Variants in TBC1D5 observed in about 807,000 individuals in gnomAD.
TBC1D5 encodes TBC1 domain family member 5, also known as TBC1 domain family, member 5.
TBC1D5 carries 75 observed loss-of-function variants against 100.3 expected under a neutral mutation model. That is an observed-to-expected ratio of 0.75 (90% CI 0.62 to 0.91). The LOEUF is 0.91. Among genes scored for constraint, TBC1D5 ranks in the 40% least tolerant of loss-of-function variants. The probability of loss-of-function intolerance (pLI) is 0.00; values close to 1 mark genes in which losing one functional copy is unlikely to be tolerated. For missense variants in TBC1D5, 910 were observed against 942.4 expected, an observed-to-expected ratio of 0.97 and a Z score of 0.45; for synonymous variants, 323 against 325.6, an observed-to-expected ratio of 0.99 and a Z score of 0.09.
At chr3:17,536,691 G>A (rs1277442821) in intron 2 of TBC1D5, among the ~76,000 whole-genome samples, 1 of 152,134 alleles carries the variant, frequency 6.6e-6, no homozygotes, top group South Asian at 2.1e-4. Flanking sequence ...AGGGAGATAG[G>A]AGTTACAGGC....
At chr3:17,531,975 A>G (rs929438171) in intron 2 of TBC1D5, among the ~76,000 whole-genome samples, 5 of 152,224 alleles carry the variant, frequency 3.3e-5, no homozygotes, top group Non-Finnish European at 5.9e-5. Context: ...AAAAGCCAAA[A>G]TTGACAAATG....
intron 15 of TBC1D5, among the ~76,000 whole-genome samples, chr3:17,273,777 A>G (rs927757045): frequency 6.7e-6 from 1 of 149,554 alleles, no homozygotes; most frequent in Non-Finnish European, 1.5e-5. Context: ...ACTGCACTCT[A>G]GCCTGGATGA....
At chr3:17,590,314 A>G (rs1400132113) in intron 2 of TBC1D5, among the ~76,000 whole-genome samples, 1 of 152,162 alleles carries the variant, frequency 6.6e-6, no homozygotes, top group African/African-American at 2.4e-5. Flanking sequence ...CTAAGTAGGG[A>G]CTCTGCATTT....
intron 15 of TBC1D5, among the ~76,000 whole-genome samples, chr3:17,276,304 A>G (rs2080006628): frequency 1.3e-5 from 2 of 152,140 alleles, no homozygotes; most frequent in South Asian, 4.1e-4. Flanking sequence ...CACTTCACAA[A>G]GGCCCCACCT....
At chr3:17,425,751 A>G (rs1439062765) in intron 4 of TBC1D5, among the ~76,000 whole-genome samples, 1 of 152,202 alleles carries the variant, frequency 6.6e-6, no homozygotes, top group Non-Finnish European at 1.5e-5. Context: ...CTGAATTCAA[A>G]AGTTAATAAA....
chr3:17,391,653 T>C (rs1046040615), intron 8 of TBC1D5, among the ~76,000 whole-genome samples: 9 of 151,266 alleles, frequency 5.9e-5, no homozygotes, highest in African/African-American at 2.2e-4. Context: ...CAGTGAGAAA[T>C]TAAGGCTGTG....
intron 2 of TBC1D5, among the ~76,000 whole-genome samples, chr3:17,601,833 T>A (rs2060969994): frequency 6.6e-6 from 1 of 152,134 alleles, no homozygotes; most frequent in Non-Finnish European, 1.5e-5. Flanking sequence ...GGGTTTTTTT[T>A]ATTTTTTATT....
chr3:17,223,938 CAAAG>C (rs1486925549), intron 17 of TBC1D5, among the ~76,000 whole-genome samples: 1 of 151,150 alleles, frequency 6.6e-6, no homozygotes. Context: ...AACAAACAAA[CAAAG>C]AAAAAAAGAC....
chr3:17,596,158 T>C (rs1029786834), intron 2 of TBC1D5, among the ~76,000 whole-genome samples: 3 of 152,098 alleles, frequency 2.0e-5, no homozygotes, highest in African/African-American at 7.2e-5. Context: ...CAGAGGCCAA[T>C]AGCCTAAAAA....
intron 17 of TBC1D5, among the ~76,000 whole-genome samples, chr3:17,232,033 T>C (rs1048011717): frequency 6.6e-6 from 1 of 152,100 alleles, no homozygotes; most frequent in African/African-American, 2.4e-5. Flanking sequence ...AAACAGAGCT[T>C]GACACAGCAG....
At chr3:17,395,365 T>C (rs983511898) in intron 8 of TBC1D5, among the ~76,000 whole-genome samples, 40 of 152,134 alleles carry the variant, frequency 2.6e-4, no homozygotes, top group African/African-American at 8.4e-4. Context: ...GACGAGACTG[T>C]GTCGCAAATG....
intron 3 of TBC1D5, among the ~76,000 whole-genome samples, chr3:17,463,159 A>C (rs529006275): frequency 1.0e-3 from 152 of 152,292 alleles, no homozygotes; most frequent in South Asian, 2.3e-3. Flanking sequence ...TTTGCATTTT[A>C]GTTTGTAGAG....
chr3:17,172,881 AGT>A (rs2067306374), intron 19 of TBC1D5, among the ~76,000 whole-genome samples: 1 of 152,156 alleles, frequency 6.6e-6, no homozygotes, highest in Non-Finnish European at 1.5e-5. Flanking sequence ...TGAGGGTGTT[AGT>A]GAGTAGAAAG....
At chr3:17,283,713 G>GT (rs1357446936) in intron 15 of TBC1D5, among the ~76,000 whole-genome samples, 2 of 151,714 alleles carry the variant, frequency 1.3e-5, no homozygotes, top group African/African-American at 4.9e-5. Context: ...CGAGAATCCC[G>GT]TAATCTTTCT....
chr3:17,490,804 G>A (rs2095631170), intron 3 of TBC1D5, among the ~76,000 whole-genome samples: 1 of 151,896 alleles, frequency 6.6e-6, no homozygotes, highest in Non-Finnish European at 1.5e-5. Flanking sequence ...TGGGCTTTTT[G>A]GTTCCAAATG....
intron 19 of TBC1D5, chr3:17,184,516 A>G (rs1207006664): frequency 6.6e-6 from 1 of 152,124 alleles, no homozygotes; most frequent in African/African-American, 2.4e-5. Context: ...ATTGCTTTTA[A>G]AGAATTTTTT....
intron 8 of TBC1D5, among the ~76,000 whole-genome samples, chr3:17,390,637 A>G: frequency 6.6e-6 from 1 of 152,136 alleles, no homozygotes; most frequent in South Asian, 2.1e-4. Flanking sequence ...CCATATTTCA[A>G]AAACGGAAAA....
chr3:17,681,892 A>G (rs2069526084), intron 1 of TBC1D5, among the ~76,000 whole-genome samples: 1 of 151,490 alleles, frequency 6.6e-6, no homozygotes, highest in Non-Finnish European at 1.5e-5. Context: ...TGCCTCCTGT[A>G]AGATCATCAG....
At chr3:17,563,672 CAT>C (rs2096573803) in intron 2 of TBC1D5, among the ~76,000 whole-genome samples, 1 of 152,104 alleles carries the variant, frequency 6.6e-6, no homozygotes, top group Non-Finnish European at 1.5e-5. Flanking sequence ...AGAAGACAAA[CAT>C]ATTTTTAAAA....
Sources: allele counts gnomAD v4.1 joint callset (sites outside exome capture counted in the v4.1 genomes callset), GRCh38; gene constraint gnomAD v4.1.1; transcripts MANE v1.5; gene names NCBI Gene and HGNC (gene_info 2026-07-23, HGNC 2026-07-21).